CSMD1: variants seen among roughly 807,000 people sequenced by gnomAD.
CSMD1 encodes the protein CUB and Sushi multiple domains 1.
In CSMD1, 213 loss-of-function variants were observed where a neutral mutation model predicts 417.5. The observed-to-expected ratio is 0.51, with a 90% CI of 0.46 to 0.57. CSMD1 has a LOEUF of 0.57. CSMD1 is among the 20% of genes least tolerant of loss of function. CSMD1 has a pLI of 0.00. For missense variants in CSMD1, 6,923 were observed against 4,529.7 expected (o/e 1.53, Z -15.17); for synonymous variants, 2,862 against 1,736.8 (o/e 1.65, Z -16.11).
intron 6 of CSMD1, among the ~76,000 whole-genome samples, chr8:3,747,633 T>C (rs1049320428): frequency 1.5e-4 from 23 of 152,150 alleles, no homozygotes; most frequent in Admixed American, 1.3e-3. Context: ...TGGTTGACAA[T>C]AGCGCTTGCA....
chr8:4,210,806 C>G (rs1246936780), intron 3 of CSMD1, among the ~76,000 whole-genome samples: 3 of 152,090 alleles, frequency 2.0e-5, no homozygotes, highest in Non-Finnish European at 4.4e-5. Context: ...TACAAGGTCT[C>G]AAGACTATCA....
chr8:4,190,409 T>A (rs960255604), intron 3 of CSMD1, among the ~76,000 whole-genome samples: 1 of 152,130 alleles, frequency 6.6e-6, no homozygotes, highest in Admixed American at 6.5e-5. Context: ...GGTTATGACA[T>A]TTAATGATTA....
At chr8:4,362,749 A>G (rs565348496) in intron 3 of CSMD1, among the ~76,000 whole-genome samples, 1 of 152,334 alleles carries the variant, frequency 6.6e-6, no homozygotes, top group African/African-American at 2.4e-5. Flanking sequence ...ATCAGTTTTT[A>G]CTTACTGAGC....
At chr8:4,556,051 T>C (rs1798073412) in intron 2 of CSMD1, among the ~76,000 whole-genome samples, 1 of 152,086 alleles carries the variant, frequency 6.6e-6, no homozygotes, top group Non-Finnish European at 1.5e-5. Flanking sequence ...TAAAATATAA[T>C]TATTTTAGTT....
intron 1 of CSMD1, among the ~76,000 whole-genome samples, chr8:4,908,816 AT>A (rs1452845266): frequency 6.6e-6 from 1 of 152,050 alleles, no homozygotes; most frequent in Non-Finnish European, 1.5e-5. Context: ...TACTTTTCCC[AT>A]TAGCACTCTA....
At chr8:3,164,556 A>G (rs1289056769) in intron 37 of CSMD1, among the ~76,000 whole-genome samples, 1 of 152,158 alleles carries the variant, frequency 6.6e-6, no homozygotes, top group East Asian at 1.9e-4. Flanking sequence ...CTTTCCTACC[A>G]CATATTAGCA....
chr8:3,487,303 G>A (rs377201420), intron 11 of CSMD1, among the ~76,000 whole-genome samples: 2 of 152,090 alleles, frequency 1.3e-5, no homozygotes, highest in Non-Finnish European at 2.9e-5. Context: ...CTGGGTTCAC[G>A]CCATTCTCCT....
chr8:3,331,344 C>T (rs17080028), intron 23 of CSMD1, among the ~76,000 whole-genome samples: 6,070 of 152,214 alleles, frequency 0.04, 204 homozygotes, highest in East Asian at 0.16. Flanking sequence ...ACCAGAGGCA[C>T]TGATCAAAAT....
At chr8:3,929,551 C>G (rs979243515) in intron 5 of CSMD1, among the ~76,000 whole-genome samples, 1 of 150,326 alleles carries the variant, frequency 6.7e-6, no homozygotes, top group Non-Finnish European at 1.5e-5. Context: ...GGTTGTCTGT[C>G]TATTCTGATG....
chr8:3,391,251 C>T (rs1209983323), intron 17 of CSMD1, among the ~76,000 whole-genome samples: 1 of 152,196 alleles, frequency 6.6e-6, no homozygotes, highest in Non-Finnish European at 1.5e-5. Flanking sequence ...CCATGAATAA[C>T]ATGATATATC....
intron 3 of CSMD1, among the ~76,000 whole-genome samples, chr8:4,362,766 G>C (rs919548693): frequency 2.0e-5 from 3 of 152,070 alleles, no homozygotes; most frequent in Admixed American, 6.5e-5. Flanking sequence ...GAGCAATTTA[G>C]TTTTTAAGTT....
intron 2 of CSMD1, among the ~76,000 whole-genome samples, chr8:4,439,162 A>C (rs1798318881): frequency 6.6e-6 from 1 of 152,178 alleles, no homozygotes; most frequent in African/African-American, 2.4e-5. Context: ...GGTAAAGATT[A>C]TTTCAATTAA....
intron 1 of CSMD1, among the ~76,000 whole-genome samples, chr8:4,749,205 A>C (rs1482902457): frequency 6.6e-6 from 1 of 152,266 alleles, no homozygotes; most frequent in Non-Finnish European, 1.5e-5. Context: ...ATTCTTAACA[A>C]ATCTGAAAAC....
chr8:4,237,047 A>T (rs1328446075), intron 3 of CSMD1, among the ~76,000 whole-genome samples: 1 of 152,196 alleles, frequency 6.6e-6, no homozygotes, highest in Non-Finnish European at 1.5e-5. Context: ...GTTGCCATGG[A>T]CAGATAACAA....
chr8:4,251,365 G>A (rs755355037), intron 3 of CSMD1, among the ~76,000 whole-genome samples: 19 of 152,104 alleles, frequency 1.2e-4, no homozygotes, highest in Non-Finnish European at 2.8e-4. Context: ...GAGTTTGGAA[G>A]GTTTTATTTA....
chr8:3,986,579 T>A (rs1356189649), intron 5 of CSMD1, among the ~76,000 whole-genome samples: 1 of 152,158 alleles, frequency 6.6e-6, no homozygotes, highest in South Asian at 2.1e-4. Context: ...CTTTCAACTT[T>A]CTAATTATTT....
At chr8:3,572,558 G>A (rs540801215) in intron 10 of CSMD1, among the ~76,000 whole-genome samples, 3 of 152,128 alleles carry the variant, frequency 2.0e-5, no homozygotes, top group Non-Finnish European at 2.9e-5. Context: ...AACATACACA[G>A]GTTAACTAAA....
chr8:3,319,630 T>C (rs752543311), intron 23 of CSMD1, among the ~76,000 whole-genome samples: 25 of 152,248 alleles, frequency 1.6e-4, no homozygotes, highest in Non-Finnish European at 2.2e-4. Context: ...TTCTGTGAAA[T>C]TGAATTATAT....
chr8:3,728,539 G>A (rs2623746), intron 6 of CSMD1, among the ~76,000 whole-genome samples: 1 of 151,988 alleles, frequency 6.6e-6, no homozygotes, highest in Non-Finnish European at 1.5e-5. Flanking sequence ...AAATATAAAC[G>A]TAGGTTTGCC....
Sources: gnomAD v4.1 joint callset for allele counts (sites outside exome capture counted in the v4.1 genomes callset) on GRCh38, gnomAD v4.1.1 for gene constraint, MANE v1.5 for transcripts, NCBI Gene and HGNC (gene_info 2026-07-23, HGNC 2026-07-21) for gene names.